SLC44A5: variants seen among roughly 807,000 people sequenced by gnomAD.
SLC44A5 encodes the protein solute carrier family 44 member 5.
Under a neutral mutation model 101.8 loss-of-function variants are expected in SLC44A5, and 57 were observed. That is an observed-to-expected ratio of 0.56 (90% confidence interval 0.45 to 0.70). The LOEUF is 0.70. Ranked by LOEUF, SLC44A5 falls within the 30% of genes least tolerant of loss-of-function variation. The pLI is 0.00. For missense variants in SLC44A5, 737 were observed against 853.1 expected (o/e 0.86, Z 1.70); for synonymous variants, 281 against 290.9 (o/e 0.97, Z 0.35).
chr1:75,529,549 A>G (rs536427910), intron 2 of SLC44A5, among the ~76,000 whole-genome samples: 1 of 152,302 alleles, frequency 6.6e-6, no homozygotes, highest in South Asian at 2.1e-4. Context: ...AATAGGATGG[A>G]TTAAGCATTT....
the SLC44A5 span, chr1:75,641,358 C>T: frequency 5.3e-6 from 4 of 759,382 alleles, no homozygotes; most frequent in African/African-American, 3.5e-5. Flanking sequence ...ACATTAGTAT[C>T]GTCTCCGGGC....
chr1:75,567,073 G>T (rs1485670101), intron 1 of SLC44A5, among the ~76,000 whole-genome samples: 1 of 152,132 alleles, frequency 6.6e-6, no homozygotes, highest in East Asian at 1.9e-4. Flanking sequence ...AAGGGTGGGT[G>T]CTCAACCTAT....
At chr1:75,672,998 C>T in the SLC44A5 span, among the ~76,000 whole-genome samples, 6 of 152,058 alleles carry the variant, frequency 3.9e-5, no homozygotes, top group South Asian at 2.1e-4. Context: ...AGAGCTCTGC[C>T]GGCTTCAGGT....
the SLC44A5 span, among the ~76,000 whole-genome samples, chr1:75,659,415 AAGAG>A: frequency 1.2e-5 from 1 of 86,540 alleles, no homozygotes; most frequent in Middle Eastern, 5.4e-3. Context: ...GAAAGAAAGA[AAGAG>A]GGAGGGTGGG....
rs545482975 is a variant in SLC44A5 at position 75,489,528 on chromosome 1, C to T, written c.13+51907G>A. Reference sequence around the variant, plus strand: ...GTTTTTAAGACAGGAAATTTTCAGGCGTAAGTCCTTAAAAAATCAGAAGCA... The same window carrying T: ...GTTTTTAAGACAGGAAATTTTCAGGTGTAAGTCCTTAAAAAATCAGAAGCA... On this transcript the variant is annotated intron_variant, in intron 2 of 23. Coordinates refer to ENST00000370859, the MANE Select transcript of SLC44A5 (RefSeq NM_001130058.2). Among the ~76,000 whole-genome samples the T allele has an allele frequency of 6.6e-5, 10 of 152,230 alleles. No homozygotes were observed. In the South Asian group the frequency reaches 8.3e-4, roughly 13 times the overall value.
Position 75,238,652 on chromosome 1 carries a change from A to T in SLC44A5, c.533-16T>A, listed in dbSNP as rs764704833. 1.3e-6 allele frequency: 2 copies of T among 1,505,880 alleles called. No homozygotes were observed. The highest frequency in any genetic ancestry group is 2.5e-5 in the South Asian group (2 of 79,890). The allele number at this position is 1,505,880 out of a possible 1,614,324, so 93.3% of individuals were successfully genotyped here. ...CTCTGGAGAACTGTAAAAATAAATT[A>T]AAATTATTGTAATCACTTTTCTATT... On this transcript the variant is annotated splice_polypyrimidine_tract_variant and intron_variant, in intron 9 of 23. Coordinates refer to ENST00000370859, the MANE Select transcript of SLC44A5 (RefSeq NM_001130058.2).
intron 1 of SLC44A5, among the ~76,000 whole-genome samples, chr1:75,567,029 A>G (rs1672818174): frequency 6.6e-6 from 1 of 152,160 alleles, no homozygotes; most frequent in Non-Finnish European, 1.5e-5. Flanking sequence ...GTATTTTCCT[A>G]ATCCAGTAGT....
the SLC44A5 span, among the ~76,000 whole-genome samples, chr1:75,712,417 C>T: frequency 6.6e-5 from 10 of 152,306 alleles, no homozygotes; most frequent in South Asian, 1.9e-3. Context: ...GAGAAAACCT[C>T]AGTAAGTATT....
chr1:75,372,948 C>T (rs1227694156), intron 3 of SLC44A5, among the ~76,000 whole-genome samples: 2 of 152,030 alleles, frequency 1.3e-5, no homozygotes, highest in African/African-American at 4.8e-5. Flanking sequence ...CACTGCTATA[C>T]AAAAAATTAA....
At chr1:75,403,840 A>C (rs1461861690) in intron 2 of SLC44A5, among the ~76,000 whole-genome samples, 1 of 152,124 alleles carries the variant, frequency 6.6e-6, no homozygotes, top group Non-Finnish European at 1.5e-5. Context: ...AACTGGACAG[A>C]GAATGAGTTT....
intron 1 of SLC44A5, among the ~76,000 whole-genome samples, chr1:75,588,935 C>G (rs1674181108): frequency 6.6e-6 from 1 of 152,082 alleles, no homozygotes; most frequent in Non-Finnish European, 1.5e-5. Flanking sequence ...AGTGAAACCT[C>G]AGGGAGTTAT....
intron 1 of SLC44A5, among the ~76,000 whole-genome samples, chr1:75,606,794 G>T (rs949005834): frequency 1.3e-5 from 2 of 151,978 alleles, no homozygotes; most frequent in Non-Finnish European, 2.9e-5. Flanking sequence ...GTTTGACACT[G>T]TTGATTATCA....
chr1:75,561,467 G>A (rs966474624), intron 1 of SLC44A5, among the ~76,000 whole-genome samples: 1 of 152,008 alleles, frequency 6.6e-6, no homozygotes, highest in African/African-American at 2.4e-5. Context: ...TATGAGGAAA[G>A]GAACTTTGGT....
chr1:75,481,039 C>A (rs1667810844), intron 2 of SLC44A5, among the ~76,000 whole-genome samples: 1 of 152,182 alleles, frequency 6.6e-6, no homozygotes, highest in Admixed American at 6.5e-5. Flanking sequence ...CAGCATGGTA[C>A]TGGTACCAAA....
intron 23 of SLC44A5, among the ~76,000 whole-genome samples, chr1:75,210,221 A>C (rs111416242): frequency 1.6e-3 from 231 of 144,680 alleles, no homozygotes; most frequent in African/African-American, 6.3e-3. Context: ...TAATTTATTT[A>C]TTTATTTATT....
In SLC44A5 at chr1:75,219,320, A is replaced by C. The variant is rs150850167; in HGVS notation, c.1203T>G (p.Pro401=). 62 of 1,612,886 alleles carry C rather than the reference A, an allele frequency of 3.8e-5. No homozygotes were observed. The highest frequency in any genetic ancestry group is 1.0e-4 in the Admixed American group (6 of 59,988). Residue 401 remains proline (P), a synonymous_variant, in exon 16 of 24, where the codon CCT becomes CCG. Coordinates refer to ENST00000370859, the MANE Select transcript of SLC44A5 (RefSeq NM_001130058.2). ...CCCCTGGAGCTATGACTTTGTATAC[A>C]GGTACCCCCGATGTCGCCAAGAAAC... ...TAVFLATSGV[P]VYKVIAPGGH...
chr1:75,562,220 A>AT (rs1672557052), intron 1 of SLC44A5, among the ~76,000 whole-genome samples: 1 of 152,064 alleles, frequency 6.6e-6, no homozygotes, highest in Non-Finnish European at 1.5e-5. Flanking sequence ...TATTTCCCAG[A>AT]TTTTTTATTA....
At chr1:75,405,873 C>T (rs750836604) in intron 2 of SLC44A5, among the ~76,000 whole-genome samples, 35 of 108,566 alleles carry the variant, frequency 3.2e-4, no homozygotes, top group Admixed American at 6.7e-4. Flanking sequence ...GAACTGAAGG[C>T]GATAGAGATA....
intron 2 of SLC44A5, among the ~76,000 whole-genome samples, chr1:75,459,602 T>C (rs1666385516): frequency 6.6e-6 from 1 of 152,178 alleles, no homozygotes; most frequent in Non-Finnish European, 1.5e-5. Context: ...TTCAGAGTTA[T>C]GTGACTTGCC....
Sources: gnomAD v4.1 joint callset for allele counts (sites outside exome capture counted in the v4.1 genomes callset) on GRCh38, gnomAD v4.1.1 for gene constraint, MANE v1.5 for transcripts, NCBI Gene and HGNC (gene_info 2026-07-23, HGNC 2026-07-21) for gene names.